Variants in MAP6 observed in about 807,000 individuals in gnomAD.
MAP6 encodes the protein microtubule associated protein 6, also known as microtubule-associated protein 6.
MAP6 carries 26 observed loss-of-function variants against 42.4 expected under a neutral mutation model. The ratio of observed to expected loss-of-function variants is 0.61; its 90% CI spans 0.45 to 0.85. MAP6 has a LOEUF of 0.85. Ranked by LOEUF, MAP6 falls within the 40% of genes least tolerant of loss-of-function variation. The pLI is 0.00. For synonymous variants in MAP6, 418 were observed against 443.8 expected (o/e 0.94, Z 0.73); for missense variants, 966 against 1,099.0 (o/e 0.88, Z 1.71).
chr11:75,619,072 G>C (rs1238662834), intron 1 of MAP6, among the ~76,000 whole-genome samples: 2 of 152,116 alleles, frequency 1.3e-5, no homozygotes, highest in African/African-American at 4.8e-5. Flanking sequence ...TCCAGGCCTG[G>C]GGCCAAGCAG....
chr11:75,587,631 GTGC>G lies in MAP6; in HGVS notation c.1867_1869del (p.Ala623del), dbSNP rs752448446. The G allele has an allele frequency of 2.4e-5, 38 of 1,613,850 alleles. No homozygotes were observed. Among genetic ancestry groups the G allele is most frequent in the Non-Finnish European group, 2.6e-5 (31 of 1,179,988 alleles). On this transcript the variant is annotated inframe_deletion, in exon 4 of 4. Coordinates refer to ENST00000304771, the MANE Select transcript of MAP6 (RefSeq NM_033063.2). The stretch of plus-strand genomic sequence containing the variant: ...ACCATGGGACCTTCATCCTTGACAG[GTGC>G]TGGGACTATGGGACCTTCACCCTTG...
chr11:75,643,032 T>G, intron 1 of MAP6: 1 of 262,254 alleles, frequency 3.8e-6, no homozygotes. Context: ...CATAGTCTAT[T>G]TTGTGATACT....
Position 75,667,479 on chromosome 11 carries a change from C to T in MAP6, c.891G>A (p.Val297=). 1.3e-6 allele frequency: 2 copies of T among 1,509,212 alleles called. No homozygotes were observed. The highest frequency in any genetic ancestry group is 1.8e-6 in the Non-Finnish European group (2 of 1,137,468). 93.5% of individuals were successfully genotyped at this position (1,509,212 alleles called of 1,614,324 possible). The change falls in exon 1 of 4, where the codon GTG becomes GTA. Residue 297 remains valine, a synonymous_variant. Coordinates refer to ENST00000304771, the MANE Select transcript of MAP6 (RefSeq NM_033063.2). This position sits in a 1 kb window ranked among gnomAD's most constrained non-coding sequence, Gnocchi z 5.6. The stretch of plus-strand genomic sequence containing the variant: ...CCGCGTCTCACCTGTAGGAGCTGCT[C>T]ACTGCACTCGCCACCTCCTCGCGGA... ...RQIREEVASA[V]SSSYRNEFRA... is the part of the protein sequence containing the mutation.
chr11:75,651,144 C>T lies in MAP6; in HGVS notation c.905+16321G>A, dbSNP rs1224690970. Among the ~76,000 whole-genome samples, 5 of 152,128 alleles carry T rather than the reference C, an allele frequency of 3.3e-5. No homozygotes were observed. The East Asian group carries it at 9.7e-4, about 29-fold the overall frequency. ...GGGATATGACTTCATAGTCATATCC[C>T]CAGAGCCTAGCTCAGAGTCTTGTTT... On this transcript the variant is annotated intron_variant, in intron 1 of 3. Coordinates refer to ENST00000304771, the MANE Select transcript of MAP6 (RefSeq NM_033063.2).
intron 3 of MAP6, chr11:75,604,707 G>A: frequency 4.1e-6 from 4 of 985,334 alleles, no homozygotes; most frequent in Non-Finnish European, 4.8e-6. Flanking sequence ...ACACGACACG[G>A]AATATACTGA....
At chr11:75,646,499 T>TAA (rs763735730) in intron 1 of MAP6, among the ~76,000 whole-genome samples, 2,279 of 66,640 alleles carry the variant, frequency 0.034, 129 homozygotes, top group East Asian at 0.075. Context: ...CCATCTCTAT[T>TAA]AAAAAAAAAA....
At chr11:75,588,437 G>A (rs1032186794) in intron 3 of MAP6, among the ~76,000 whole-genome samples, 4 of 152,100 alleles carry the variant, frequency 2.6e-5, no homozygotes, top group Admixed American at 6.5e-5. Context: ...CGTGGCACAG[G>A]GGGTGGCACG....
chr11:75,635,477 CA>C (rs141616949), intron 1 of MAP6, among the ~76,000 whole-genome samples: 2,615 of 152,304 alleles, frequency 0.017, 80 homozygotes, highest in African/African-American at 0.06. Context: ...TAGGCAAGGC[CA>C]AAAGACTTAG....
chr11:75,620,574 G>A (rs527835645), intron 1 of MAP6, among the ~76,000 whole-genome samples: 2 of 151,828 alleles, frequency 1.3e-5, no homozygotes, highest in East Asian at 3.9e-4. Flanking sequence ...TTTCCCTGAT[G>A]CCCTGATACC....
At chr11:75,591,941 C>T in intron 3 of MAP6, among the ~76,000 whole-genome samples, 1 of 152,348 alleles carries the variant, frequency 6.6e-6, no homozygotes, top group South Asian at 2.1e-4. Flanking sequence ...TTGGATAGTG[C>T]ACAAATAAGT....
Position 75,608,177 on chromosome 11 carries a change from C to T in MAP6, c.1051G>A (p.Asp351Asn). 1.2e-6 allele frequency: 2 copies of T among 1,614,110 alleles called. No homozygotes were observed. Among genetic ancestry groups the T allele is most frequent in the Non-Finnish European group, 1.7e-6 (2 of 1,180,030 alleles). Residue 351 changes from aspartate (D) to asparagine (N), a missense_variant, in exon 2 of 4, where the codon GAC becomes AAC. Physicochemically the swap from Asp to Asn is conservative, Grantham distance 23 (BLOSUM62 1). Transcript: ENST00000304771. ...KGEASKPTTA[D>N]NKVIDRRRIR... Reference sequence around the variant, plus strand: ...CTTCTGCGATCAATGACCTTATTGTCAGCTGTTGTTGGCTTGCTGGCCTCT... The same window carrying T: ...CTTCTGCGATCAATGACCTTATTGTTAGCTGTTGTTGGCTTGCTGGCCTCT...
At chr11:75,658,042 G>A (rs968800387) in intron 1 of MAP6, among the ~76,000 whole-genome samples, 2 of 152,138 alleles carry the variant, frequency 1.3e-5, no homozygotes, top group Non-Finnish European at 2.9e-5. Flanking sequence ...ATAATATTCT[G>A]CTGTATGAAT....
At chr11:75,653,208 GC>G (rs1392798914) in intron 1 of MAP6, among the ~76,000 whole-genome samples, 1 of 152,156 alleles carries the variant, frequency 6.6e-6, no homozygotes, top group Non-Finnish European at 1.5e-5. Context: ...TCTCTTCTGT[GC>G]CAGGCCCAAG....
At chr11:75,638,282 G>C (rs1943406687) in intron 1 of MAP6, among the ~76,000 whole-genome samples, 1 of 152,172 alleles carries the variant, frequency 6.6e-6, no homozygotes, top group East Asian at 1.9e-4. Context: ...AACTCATCTA[G>C]ACAATGGATG....
At chr11:75,593,037 C>T (rs1055753444) in intron 3 of MAP6, among the ~76,000 whole-genome samples, 6 of 152,244 alleles carry the variant, frequency 3.9e-5, no homozygotes, top group African/African-American at 7.2e-5. Flanking sequence ...GGAAGGCTTC[C>T]CTGACCCCAC....
chr11:75,604,953 A>G (rs1429703160), intron 3 of MAP6: 1 of 985,214 alleles, frequency 1.0e-6, no homozygotes, highest in Admixed American at 6.2e-5. Flanking sequence ...CAAACACACT[A>G]TCCCTACACC....
chr11:75,648,525 AC>A (rs754182556), intron 1 of MAP6, among the ~76,000 whole-genome samples: 3 of 151,990 alleles, frequency 2.0e-5, no homozygotes, highest in Non-Finnish European at 4.4e-5. Flanking sequence ...AAACAAACAA[AC>A]AGAAAATTAT....
At chr11:75,613,424 C>G (rs1942939988) in intron 1 of MAP6, among the ~76,000 whole-genome samples, 2 of 152,124 alleles carry the variant, frequency 1.3e-5, no homozygotes, top group Admixed American at 1.3e-4. Flanking sequence ...TTCAGTCAGC[C>G]TGGGTGTACA....
intron 3 of MAP6, among the ~76,000 whole-genome samples, chr11:75,596,951 A>T (rs575108368): frequency 6.6e-6 from 1 of 152,348 alleles, no homozygotes; most frequent in African/African-American, 2.4e-5. Context: ...TCCTACAGAT[A>T]GTCCCAAGTG....
Sources: gnomAD v4.1 joint callset for allele counts (sites outside exome capture counted in the v4.1 genomes callset) on GRCh38, gnomAD v4.1.1 for gene constraint, Gnocchi (gnomAD v3.1) non-coding constraint, MANE v1.5 for transcripts, NCBI Gene and HGNC (gene_info 2026-07-23, HGNC 2026-07-21) for gene names.